Variants in AR observed in about 807,000 individuals in gnomAD.
AR encodes androgen receptor.
Under a neutral mutation model 53.9 loss-of-function variants are expected in AR, and 8 were observed. The ratio of observed to expected loss-of-function variants is 0.15; its 90% CI spans 0.09 to 0.27. The LOEUF (loss-of-function observed/expected upper bound fraction) is 0.27. Ranked by LOEUF, AR falls within the 10% of genes least tolerant of loss-of-function variation. The pLI, the probability that AR is intolerant of heterozygous loss-of-function variation, is 1.00. For synonymous variants in AR, 359 were observed against 316.4 expected, an observed-to-expected ratio of 1.13 and a Z score of -1.43; for missense variants, 639 against 742.5, an observed-to-expected ratio of 0.86 and a Z score of 1.62.
Position 67,724,007 on chromosome X carries a change from TTC to T in AR, c.*170_*171del. 1.5e-6 allele frequency: 1 copy of T among 658,407 alleles called. No homozygotes were observed. Among genetic ancestry groups the T allele is most frequent in the Non-Finnish European group, 2.2e-6 (1 of 444,815 alleles). The allele number at this position is 658,407 out of a possible 1,213,427, so 54.3% of individuals were successfully genotyped here. On this transcript the variant is annotated 3_prime_UTR_variant, in exon 8 of 8. Coordinates refer to ENST00000374690, the MANE Select transcript of AR (RefSeq NM_000044.6). ...GAATTCTATTTGCTGGGCTTTTTTT[TTC>T]TCTTTCTCTCCTTTCTTTTTCTTCT...
At position 67,546,117 on chromosome X, in the gene AR, G is replaced by A. The variant is rs2147319424; in HGVS notation, c.971G>A (p.Ser324Asn). 8.2e-7 allele frequency: 1 copy of A among 1,212,248 alleles called. No individual in the cohort carries two copies. ...TACACCAAAGGGCTAGAAGGCGAGA[G>A]CCTAGGCTGCTCTGGCAGCGCTGCA... ...GGYTKGLEGE[S>N]LGCSGSAAAG... The change falls in exon 1 of 8, where the codon AGC (serine) becomes AAC (asparagine). Residue 324 changes from serine to asparagine, a missense_variant. Coordinates refer to ENST00000374690, the MANE Select transcript of AR (RefSeq NM_000044.6).
intron 1 of AR, among the ~76,000 whole-genome samples, chrX:67,582,170 G>A (rs1244145232): frequency 8.9e-6 from 1 of 111,991 alleles, no homozygotes; most frequent in Non-Finnish European, 1.9e-5. Context: ...TACACATACA[G>A]CATCTCTTCT....
At chrX:67,692,632 T>G (rs907093456) in intron 3 of AR, among the ~76,000 whole-genome samples, 1 of 112,155 alleles carries the variant, frequency 8.9e-6, no homozygotes, top group Non-Finnish European at 1.9e-5. Flanking sequence ...AGCCTCAGTT[T>G]CTCCAACCAC....
intron 3 of AR, among the ~76,000 whole-genome samples, chrX:67,688,261 G>A (rs2075977674): frequency 9.0e-6 from 1 of 111,428 alleles, no homozygotes; most frequent in South Asian, 3.8e-4. Context: ...TGTGTAAATG[G>A]CCTTGCCTTT....
At chrX:67,722,725 T>C in intron 6 of AR, 102 bp from the exon 7 acceptor site, 1 of 1,011,324 alleles carries the variant, frequency 9.9e-7, no homozygotes, top group Non-Finnish European at 1.4e-6. Flanking sequence ...TGGTTCCCTG[T>C]GGGGGTGGGG....
chrX:67,718,092 C>T (rs191032870), intron 5 of AR, among the ~76,000 whole-genome samples: 1 of 112,168 alleles, frequency 8.9e-6, no homozygotes, highest in Admixed American at 9.4e-5. Context: ...GGTGACCTGA[C>T]CTCACCTTTT....
chrX:67,719,032 C>G (rs867263524), intron 5 of AR, among the ~76,000 whole-genome samples: 4 of 110,855 alleles, frequency 3.6e-5, no homozygotes, highest in Non-Finnish European at 3.8e-5. Context: ...TGACCTTCCC[C>G]CCTCTTCAGC....
intron 1 of AR, among the ~76,000 whole-genome samples, chrX:67,635,458 A>G (rs1405846877): frequency 9.0e-6 from 1 of 111,524 alleles, no homozygotes; most frequent in Non-Finnish European, 1.9e-5. Context: ...CCGCTTCCAC[A>G]GTCACTGGTG....
At chrX:67,644,889 G>T (rs1925976797) in intron 2 of AR, among the ~76,000 whole-genome samples, 1 of 111,531 alleles carries the variant, frequency 9.0e-6, no homozygotes, top group African/African-American at 3.3e-5. Context: ...GCCTAGAGCA[G>T]TGCCTAAAGA....
At position 67,544,935 on chromosome X, in the gene AR, G is replaced by T; in HGVS notation, c.-212G>T. The T allele has an allele frequency of 2.3e-6, 1 of 436,395 alleles. No homozygotes were observed. Among genetic ancestry groups the T allele is most frequent in the Non-Finnish European group, 3.8e-6 (1 of 263,367 alleles). 36.0% of individuals were successfully genotyped at this position (436,395 alleles called of 1,213,427 possible). On this transcript the variant is annotated 5_prime_UTR_variant, in exon 1 of 8. Coordinates refer to ENST00000374690, the MANE Select transcript of AR (RefSeq NM_000044.6). ...CTGTGAGCCTAGCAGGGCAGATCTTGTCCACCGTGTGTCTTCTTCTGCACG... is the reference window on the plus strand; with the variant it reads ...CTGTGAGCCTAGCAGGGCAGATCTTTTCCACCGTGTGTCTTCTTCTGCACG...
At chrX:67,708,563 T>C (rs950239109) in intron 3 of AR, among the ~76,000 whole-genome samples, 3 of 111,665 alleles carry the variant, frequency 2.7e-5, no homozygotes, top group Non-Finnish European at 5.6e-5. Context: ...TTTCAAGGTT[T>C]TTAACTTCTT....
At chrX:67,652,120 A>G (rs1482065824) in intron 2 of AR, among the ~76,000 whole-genome samples, 1 of 111,741 alleles carries the variant, frequency 8.9e-6, no homozygotes, top group Non-Finnish European at 1.9e-5. Context: ...CTCCTCCTCA[A>G]TGTCAGAAAA....
At chrX:67,704,952 T>C (rs1033117299) in intron 3 of AR, among the ~76,000 whole-genome samples, 5 of 112,017 alleles carry the variant, frequency 4.5e-5, no homozygotes, top group East Asian at 2.8e-4. Flanking sequence ...GATCAGATGG[T>C]TGTAGATACG....
intron 2 of AR, among the ~76,000 whole-genome samples, chrX:67,674,116 G>A (rs2075884002): frequency 9.1e-6 from 1 of 109,983 alleles, no homozygotes; most frequent in Non-Finnish European, 1.9e-5. Flanking sequence ...TTACCAAGCA[G>A]AGACTCTTGT....
intron 1 of AR, among the ~76,000 whole-genome samples, chrX:67,641,703 G>A (rs1925775854): frequency 9.0e-6 from 1 of 111,223 alleles, no homozygotes; most frequent in East Asian, 2.8e-4. Context: ...TTGCAAATCA[G>A]TAGAATTTTT....
Position 67,727,147 on chromosome X carries a change from G to C in AR, c.*3306G>C. 1 of 172,308 alleles carries C rather than the reference G, an allele frequency of 5.8e-6. No individual in the cohort carries two copies. The allele number at this position is 172,308 out of a possible 1,213,427, so 14.2% of individuals were successfully genotyped here. A position where few individuals can be genotyped will look rare whatever the true frequency, so the allele number is the denominator to read the frequency against. On this transcript the variant is annotated 3_prime_UTR_variant, in exon 8 of 8. Coordinates refer to ENST00000374690, the MANE Select transcript of AR (RefSeq NM_000044.6). ...CTCTGAGCTGACATGGGAGTTGTTG[G>C]ATTCTTTGTTTCATAGCTTTTTCTA...
intron 4 of AR, 66 bp from the exon 5 acceptor site, chrX:67,717,412 G>A (rs1602276028): frequency 8.4e-7 from 1 of 1,186,164 alleles, no homozygotes; most frequent in Non-Finnish European, 1.1e-6. Flanking sequence ...TGCCCAACAG[G>A]GACTCAGACT....
intron 3 of AR, among the ~76,000 whole-genome samples, chrX:67,709,506 G>A (rs2076084527): frequency 2.7e-5 from 3 of 112,253 alleles, no homozygotes; most frequent in African/African-American, 9.7e-5. Flanking sequence ...GTATTAGGGT[G>A]GGAGTGACCC....
rs752524945 is a variant in AR, at chrX:67,726,670, G to A, written c.*2829G>A. ...AAGCCTTTAGGCCTACTCTTTCTGT[G>A]CTTGGGTTTGAGTGAACAAAGGAGA... On this transcript the variant is annotated 3_prime_UTR_variant, in exon 8 of 8. Coordinates refer to ENST00000374690, the MANE Select transcript of AR (RefSeq NM_000044.6). 1 of 174,744 alleles carries A rather than the reference G, an allele frequency of 5.7e-6. No homozygotes were observed. Among genetic ancestry groups the A allele is most frequent in the South Asian group, 3.1e-4 (1 of 3,221 alleles). 14.4% of individuals were successfully genotyped at this position (174,744 alleles called of 1,213,427 possible).
Sources: gnomAD v4.1 joint callset for allele counts (sites outside exome capture counted in the v4.1 genomes callset) on GRCh38, gnomAD v4.1.1 for gene constraint, MANE v1.5 for transcripts, NCBI Gene and HGNC (gene_info 2026-07-23, HGNC 2026-07-21) for gene names.